Variants in LMO3 observed in about 807,000 individuals in gnomAD.
The protein encoded by LMO3 is LIM domain only protein 3.
A neutral mutation model predicts 15.8 loss-of-function variants in LMO3; 2 were observed. The observed-to-expected ratio is 0.13, with a 90% CI of 0.05 to 0.40. LMO3 has a LOEUF of 0.40. LMO3 is among the 10% of genes least tolerant of loss of function. The pLI is 0.99. For synonymous variants in LMO3, 62 were observed against 63.8 expected (o/e 0.97, Z 0.13); for missense variants, 86 against 182.2 (o/e 0.47, Z 3.04).
chr12:16,600,435 C>CAAGCCAAATTGAAATACTTTAAAT, intron 2 of LMO3: 1 of 532,940 alleles, frequency 1.9e-6, no homozygotes. Context: ...AGTGTGCAGG[C>CAAGCCAAATTGAAATACTTTAAAT]AAGCCAAATT....
At chr12:16,553,479 G>A (rs1453849044) in intron 3 of LMO3, among the ~76,000 whole-genome samples, 1 of 152,076 alleles carries the variant, frequency 6.6e-6, no homozygotes, top group Non-Finnish European at 1.5e-5. Context: ...GAGGCAGAGC[G>A]AGAGAGAGAC....
intron 2 of LMO3, among the ~76,000 whole-genome samples, chr12:16,561,703 TCA>T (rs1378837666): frequency 1.3e-5 from 2 of 152,236 alleles, no homozygotes; most frequent in Non-Finnish European, 2.9e-5. Context: ...ATATTCATTT[TCA>T]AGTTTATAAC....
At chr12:16,573,098 G>C (rs1214535824) in intron 2 of LMO3, among the ~76,000 whole-genome samples, 1 of 150,802 alleles carries the variant, frequency 6.6e-6, no homozygotes, top group Non-Finnish European at 1.5e-5. Flanking sequence ...TTTTTCCTAT[G>C]AAAGTTAGGA....
chr12:16,605,448 C>G (rs1331140508), intron 1 of LMO3: 2 of 661,182 alleles, frequency 3.0e-6, no homozygotes, highest in Non-Finnish European at 3.7e-6. Flanking sequence ...CCCCCCCCCC[C>G]GCCCCCATGC....
Position 16,582,678 on chromosome 12 carries a change from C to G in LMO3, c.206+17977G>C, listed in dbSNP as rs192672233. ...ACATCTCCTAGGAAAAATAAGTATA[C>G]CACAACAAGATCACCGTTCCTAGGT... On this transcript the variant is annotated intron_variant, in intron 2 of 3. Transcript: ENST00000537304. The surrounding 1 kb of genome is among the most constrained non-coding windows in gnomAD (Gnocchi z 4.1). 3.8e-3 allele frequency among the ~76,000 whole-genome samples: 577 copies of G among 152,176 alleles called. 1 individual carries two copies. The highest frequency in any genetic ancestry group is 6.0e-3 in the Non-Finnish European group (409 of 68,006).
intron 2 of LMO3, among the ~76,000 whole-genome samples, chr12:16,572,681 ATATATATAATTTAAATATAT>A (rs1326192838): frequency 8.1e-5 from 12 of 147,876 alleles, no homozygotes; most frequent in African/African-American, 1.7e-4. Context: ...TATATAGATT[ATATATATAATTTAAATATAT>A]TATATATAAT....
intron 2 of LMO3, among the ~76,000 whole-genome samples, chr12:16,566,565 C>A (rs1942618613): frequency 6.6e-6 from 1 of 151,812 alleles, no homozygotes; most frequent in African/African-American, 2.4e-5. Flanking sequence ...AAGAAATTTT[C>A]AAAAAAGCTT....
rs1461082152 is a variant in LMO3, at chr12:16,560,619, C to G, written c.207-81G>C. 1 of 1,222,248 alleles carries G rather than the reference C, an allele frequency of 8.2e-7. No homozygotes were observed. The highest frequency in any genetic ancestry group is 1.5e-5 in the African/African-American group (1 of 66,206). 75.7% of individuals were successfully genotyped at this position (1,222,248 alleles called of 1,614,324 possible). A position where few individuals can be genotyped will look rare whatever the true frequency, so the allele number is the denominator to read the frequency against. ...CGTGAAGAGAGATGATGTTAATATACTCTGTAAAGCTACAATACACAATGC... is the reference window on the plus strand; with the variant it reads ...CGTGAAGAGAGATGATGTTAATATAGTCTGTAAAGCTACAATACACAATGC... On this transcript the variant is annotated intron_variant, in intron 2 of 3. Coordinates refer to ENST00000537304, the MANE Select transcript of LMO3 (RefSeq NM_018640.5). This position sits in a 1 kb window ranked among gnomAD's most constrained non-coding sequence, Gnocchi z 5.0.
At position 16,589,437 on chromosome 12, in the gene LMO3, G is replaced by A. The variant is rs972685849; in HGVS notation, c.206+11218C>T. On this transcript the variant is annotated intron_variant, in intron 2 of 3. Coordinates refer to ENST00000537304, the MANE Select transcript of LMO3 (RefSeq NM_018640.5). The surrounding 1 kb of genome is among the most constrained non-coding windows in gnomAD (Gnocchi z 4.2). The stretch of plus-strand genomic sequence containing the variant: ...TGACTTCACAGTAAAAAATTAGGTC[G>A]TAGTGCAGATGAAAGCCTCCGTATA... 10 of 152,004 alleles carry A rather than the reference G, an allele frequency of 6.6e-5. No homozygotes were observed. The highest frequency in any genetic ancestry group is 9.7e-5 in the African/African-American group (4 of 41,382). The allele number at this position is 152,004 out of a possible 1,614,324, so 9.4% of individuals were successfully genotyped here.
At position 16,587,382 on chromosome 12, in the gene LMO3, AT is replaced by A. The variant is rs1463417952; in HGVS notation, c.206+13272del. Among the ~76,000 whole-genome samples, 2 of 152,188 alleles carry A rather than the reference AT, an allele frequency of 1.3e-5. No homozygotes were observed. Among genetic ancestry groups the A allele is most frequent in the African/African-American group, 4.8e-5 (2 of 41,452 alleles). On this transcript the variant is annotated intron_variant, in intron 2 of 3. Coordinates refer to ENST00000537304, the MANE Select transcript of LMO3 (RefSeq NM_018640.5). The surrounding 1 kb of genome is among the most constrained non-coding windows in gnomAD (Gnocchi z 4.3). ...CATTCTTAAAACGTTTCACTTAAAC[AT>A]TTCTGCAATAAAATCTTATTGAACT...
intron 2 of LMO3, among the ~76,000 whole-genome samples, chr12:16,579,804 A>G (rs917634879): frequency 3.9e-5 from 6 of 152,248 alleles, no homozygotes; most frequent in African/African-American, 1.2e-4. Flanking sequence ...ACAGAAAAAT[A>G]CCAGCTTATA....
In LMO3 at chr12:16,551,140, G is replaced by T; in HGVS notation, c.*82C>A. The T allele has an allele frequency of 1.1e-6, 1 of 891,748 alleles. No homozygotes were observed. The highest frequency in any genetic ancestry group is 1.9e-6 in the Non-Finnish European group (1 of 529,454). 55.2% of individuals were successfully genotyped at this position (891,748 alleles called of 1,614,324 possible). On this transcript the variant is annotated 3_prime_UTR_variant, in exon 4 of 4. Coordinates refer to ENST00000537304, the MANE Select transcript of LMO3 (RefSeq NM_018640.5). ...TATCTACGCTATTCAGTAGGTTCCT[G>T]TGTCAATTCTTATGTACATGTGGAG...
intron 2 of LMO3, chr12:16,567,569 GGAT>G (rs34242538): frequency 0.027 from 4,170 of 152,298 alleles, 84 homozygotes; most frequent in Middle Eastern, 0.075. Context: ...GGTCATCGTG[GGAT>G]GATGTTAGAG....
chr12:16,580,960 G>A (rs1177072579), intron 2 of LMO3, among the ~76,000 whole-genome samples: 1 of 152,164 alleles, frequency 6.6e-6, no homozygotes, highest in Non-Finnish European at 1.5e-5. Context: ...CAGACATTCA[G>A]TCATCCCTCA....
rs1943886984 is a variant in LMO3, at chr12:16,603,352, A to G, written c.-8-2484T>C. The stretch of plus-strand genomic sequence containing the variant: ...TCCATGCAAGTTAACAATTGTAGCA[A>G]AAGAACTATTTTGTAGTCACCATGT... On this transcript the variant is annotated intron_variant, in intron 1 of 3. Transcript: ENST00000537304. The surrounding 1 kb of genome is among the most constrained non-coding windows in gnomAD (Gnocchi z 4.9). Among the ~76,000 whole-genome samples, 1 of 152,218 alleles carries G rather than the reference A, an allele frequency of 6.6e-6. No homozygotes were observed. The highest frequency in any genetic ancestry group is 2.1e-4 in the South Asian group (1 of 4,828).
upstream of LMO3, chr12:16,610,093 AAG>A (rs1397774098): frequency 1.3e-5 from 2 of 151,584 alleles, no homozygotes; most frequent in Non-Finnish European, 2.9e-5. Context: ...ACACAAATGA[AAG>A]AAACCTCTGC....
Position 16,586,275 on chromosome 12 carries a change from A to G in LMO3, c.206+14380T>C, listed in dbSNP as rs1338342040. On this transcript the variant is annotated intron_variant, in intron 2 of 3. Coordinates refer to ENST00000537304, the MANE Select transcript of LMO3 (RefSeq NM_018640.5). This position sits in a 1 kb window ranked among gnomAD's most constrained non-coding sequence, Gnocchi z 4.3. ...TTTGAAGTTGTAATCTCTGGCAAGA[A>G]CACAGAGTGTTAAGATGTCATGATA... Among the ~76,000 whole-genome samples, 3 of 152,248 alleles carry G rather than the reference A, an allele frequency of 2.0e-5. No individual in the cohort carries two copies. The highest frequency in any genetic ancestry group is 6.5e-5 in the Admixed American group (1 of 15,280).
chr12:16,553,867 G>GA (rs75193044), intron 3 of LMO3, among the ~76,000 whole-genome samples: 1,826 of 132,634 alleles, frequency 0.014, 32 homozygotes, highest in African/African-American at 0.043. Flanking sequence ...GCATTTGCAG[G>GA]AAAAAAAAAA....
intron 2 of LMO3, among the ~76,000 whole-genome samples, chr12:16,570,772 G>A (rs1565491915): frequency 6.6e-6 from 1 of 152,146 alleles, no homozygotes; most frequent in Non-Finnish European, 1.5e-5. Context: ...AGTGACAACA[G>A]TCACCTGATT....
Sources: allele counts gnomAD v4.1 joint callset (sites outside exome capture counted in the v4.1 genomes callset), GRCh38; gene constraint gnomAD v4.1.1; non-coding constraint Gnocchi (gnomAD v3.1); transcripts MANE v1.5; gene names NCBI Gene and HGNC (gene_info 2026-07-23, HGNC 2026-07-21).